Variants in GLI2 observed in about 807,000 individuals in gnomAD.
GLI2 encodes the protein transcription activator GLI2.
In GLI2, 22 loss-of-function variants were observed where a neutral mutation model predicts 78.9. The observed-to-expected ratio is 0.28, with a 90% confidence interval of 0.20 to 0.40. The LOEUF (loss-of-function observed/expected upper bound fraction) is 0.40. GLI2 is among the 10% of genes least tolerant of loss of function. GLI2 has a pLI of 1.00. For missense variants in GLI2, 2,097 were observed against 2,213.2 expected, an observed-to-expected ratio of 0.95 and a Z score of 1.05; for synonymous variants, 974 against 963.7, an observed-to-expected ratio of 1.01 and a Z score of -0.20.
chr2:120,896,676 CA>C (rs1449250769), intron 2 of GLI2, among the ~76,000 whole-genome samples: 21 of 128,632 alleles, frequency 1.6e-4, no homozygotes, highest in African/African-American at 4.0e-4. Flanking sequence ...CCCACCCCCC[CA>C]CACACTCACA....
At chr2:120,824,703 G>A (rs966426133) in intron 2 of GLI2, among the ~76,000 whole-genome samples, 7 of 152,242 alleles carry the variant, frequency 4.6e-5, no homozygotes, top group African/African-American at 1.7e-4. Context: ...ATGTAAGCCT[G>A]TCCTGAGGGC....
intron 11 of GLI2, 33 bp from the exon 12 acceptor site, chr2:120,984,438 C>T (rs747328081): frequency 3.1e-6 from 5 of 1,612,332 alleles, no homozygotes; most frequent in Admixed American, 1.7e-5. Flanking sequence ...CCTCGTACCC[C>T]TATCCATGAC....
At chr2:120,805,596 A>G (rs1241353577) in intron 2 of GLI2, among the ~76,000 whole-genome samples, 2 of 152,248 alleles carry the variant, frequency 1.3e-5, no homozygotes, top group Non-Finnish European at 2.9e-5. Context: ...GTGGAAACTG[A>G]GGTCCAGAGA....
intron 5 of GLI2, among the ~76,000 whole-genome samples, chr2:120,956,866 A>C (rs1681292515): frequency 6.6e-6 from 1 of 151,620 alleles, no homozygotes; most frequent in Non-Finnish European, 1.5e-5. Context: ...GCTCACCCCG[A>C]CCCGCCCCCA....
At position 120,968,788 on chromosome 2, in the gene GLI2, G is replaced by A; in HGVS notation, c.718G>A (p.Asp240Asn). The change falls in exon 6 of 14, where the codon GAC (aspartate) becomes AAC (asparagine). Residue 240 changes from aspartate (D) to asparagine (N), a missense_variant. Asp to Asn is a conservative substitution (Grantham distance 23, BLOSUM62 1). Coordinates refer to ENST00000361492, the MANE Select transcript of GLI2 (RefSeq NM_001374353.1). Reference sequence around the variant, plus strand: ...GGCGCTGTCCATCTCCCCACTCTCAGACGCCAGCCTGGACCTGCAGCGGAT... The same window carrying A: ...GGCGCTGTCCATCTCCCCACTCTCAAACGCCAGCCTGGACCTGCAGCGGAT... ...KRALSISPLSDASLDLQRMIR... is the reference protein window; with the variant it reads ...KRALSISPLSNASLDLQRMIR... 1 of 1,613,752 alleles carries A rather than the reference G, an allele frequency of 6.2e-7. No individual in the cohort carries two copies. Among genetic ancestry groups the A allele is most frequent in the East Asian group, 2.2e-5 (1 of 44,874 alleles).
intron 1 of GLI2, among the ~76,000 whole-genome samples, chr2:120,739,688 A>G (rs1558774385): frequency 6.6e-6 from 1 of 152,228 alleles, no homozygotes; most frequent in African/African-American, 2.4e-5. Flanking sequence ...CCCTTTGAAA[A>G]GGAACCCGGG....
intron 1 of GLI2, among the ~76,000 whole-genome samples, chr2:120,741,803 A>T (rs1290240095): frequency 1.3e-5 from 2 of 151,980 alleles, no homozygotes; most frequent in Admixed American, 1.3e-4. Flanking sequence ...CCTGGTTTGC[A>T]GCTCCCAAAC....
At position 120,988,831 on chromosome 2, in the gene GLI2, G is replaced by A; in HGVS notation, c.2866G>A (p.Val956Met). 2 of 1,466,956 alleles carry A rather than the reference G, an allele frequency of 1.4e-6. No individual in the cohort carries two copies. The highest frequency in any genetic ancestry group is 1.8e-6 in the Non-Finnish European group (2 of 1,110,788). The allele number at this position is 1,466,956 out of a possible 1,614,324, so 90.9% of individuals were successfully genotyped here. ...GGGARRASDP[V>M]RRPDALSLPR... is the part of the protein sequence containing the mutation. ...CGGAGCCAGGCGGGCCAGCGACCCTGTGCGGCGGCCCGATGCCCTGTCCCT... is the reference window on the plus strand; with the variant it reads ...CGGAGCCAGGCGGGCCAGCGACCCTATGCGGCGGCCCGATGCCCTGTCCCT... The change falls in exon 14 of 14, where the codon GTG becomes ATG. Residue 956 changes from valine (V) to methionine (M), a missense_variant. This residue lies in a region of GLI2 where 1,290 missense variants were observed against 1,261.7 expected (regional missense o/e 1.02). Coordinates refer to ENST00000361492, the MANE Select transcript of GLI2 (RefSeq NM_001374353.1).
rs767542862 is a variant in GLI2 at position 120,883,835 on chromosome 2, C to A, written c.149-43526C>A. 5.3e-5 allele frequency among the ~76,000 whole-genome samples: 8 copies of A among 152,040 alleles called. No individual in the cohort carries two copies. The East Asian group carries it at 1.5e-3, about 29-fold the overall frequency. On this transcript the variant is annotated intron_variant, in intron 2 of 13. Coordinates refer to ENST00000361492, the MANE Select transcript of GLI2 (RefSeq NM_001374353.1). ...TGGTGGGGGTAGGGAGTGGGAGAGT[C>A]GGAGAGGTAGAAGAAAGCCGCTAGA... is the stretch of plus-strand genomic sequence containing the variant.
At chr2:120,781,628 A>C (rs1045888272) in intron 1 of GLI2, among the ~76,000 whole-genome samples, 2 of 152,228 alleles carry the variant, frequency 1.3e-5, no homozygotes, top group African/African-American at 4.8e-5. Context: ...TACGCCTGTA[A>C]TCCCAGCACT....
chr2:120,970,776 C>T (rs1157893835), intron 7 of GLI2, among the ~76,000 whole-genome samples, 170 bp downstream of exon 7: 13 of 152,222 alleles, frequency 8.5e-5, no homozygotes, highest in African/African-American at 2.2e-4. Flanking sequence ...GACCTGGGCT[C>T]AGTCCATGGG....
intron 1 of GLI2, among the ~76,000 whole-genome samples, chr2:120,784,386 G>A (rs1353833295): frequency 6.6e-6 from 1 of 152,186 alleles, no homozygotes; most frequent in Admixed American, 6.5e-5. Context: ...TCAGACAGGT[G>A]TTTTTTGAAG....
chr2:120,958,301 A>G (rs942186168), intron 5 of GLI2, among the ~76,000 whole-genome samples: 3 of 152,170 alleles, frequency 2.0e-5, no homozygotes, highest in African/African-American at 4.8e-5. Flanking sequence ...TTCCACCAGT[A>G]TATCTTTCCC....
intron 9 of GLI2, among the ~76,000 whole-genome samples, chr2:120,978,213 G>A (rs1682550713): frequency 2.6e-5 from 4 of 152,296 alleles, no homozygotes; most frequent in South Asian, 2.1e-4. Context: ...GGCCCGGCTC[G>A]TAGGGGTGGT....
chr2:120,908,611 A>C (rs1474832678), intron 2 of GLI2, among the ~76,000 whole-genome samples: 4 of 152,064 alleles, frequency 2.6e-5, no homozygotes, highest in African/African-American at 7.2e-5. Flanking sequence ...AGGAGGGAAG[A>C]CACCCCCTGC....
At chr2:120,755,816 C>T (rs1243939118) in intron 1 of GLI2, among the ~76,000 whole-genome samples, 2 of 152,078 alleles carry the variant, frequency 1.3e-5, no homozygotes, top group Non-Finnish European at 2.9e-5. Flanking sequence ...GTTCCAGCCC[C>T]ATTCGTTGAA....
chr2:120,824,931 G>T (rs1181930903), intron 2 of GLI2, among the ~76,000 whole-genome samples: 1 of 152,136 alleles, frequency 6.6e-6, no homozygotes, highest in Non-Finnish European at 1.5e-5. Context: ...GACCACCCGG[G>T]CTCAAGCAAT....
At chr2:120,746,390 C>T (rs146933434) in intron 1 of GLI2, among the ~76,000 whole-genome samples, 3 of 152,148 alleles carry the variant, frequency 2.0e-5, no homozygotes, top group Non-Finnish European at 2.9e-5. Flanking sequence ...CTGCACCCCC[C>T]CAGAAGCTGC....
chr2:120,885,847 C>T (rs750170378), intron 2 of GLI2, among the ~76,000 whole-genome samples: 10 of 152,190 alleles, frequency 6.6e-5, no homozygotes, highest in Non-Finnish European at 1.0e-4. Flanking sequence ...CGGGGCCTCA[C>T]GTGTGGGACA....
Sources: gnomAD v4.1 joint callset for allele counts (sites outside exome capture counted in the v4.1 genomes callset) on GRCh38, gnomAD v4.1.1 for gene constraint, gnomAD v4.1.1 regional missense constraint, MANE v1.5 for transcripts, NCBI Gene and HGNC (gene_info 2026-07-23, HGNC 2026-07-21) for gene names.